Variants in STMN2 observed in about 807,000 individuals in gnomAD.
The protein encoded by STMN2 is stathmin 2.
A neutral mutation model predicts 24.1 loss-of-function variants in STMN2; 2 were observed. The observed-to-expected ratio is 0.08, with a 90% CI of 0.03 to 0.26. STMN2 has a LOEUF of 0.26. Among genes scored for constraint, STMN2 ranks in the 10% least tolerant of loss-of-function variants. STMN2 has a pLI of 1.00. For synonymous variants in STMN2, 83 were observed against 77.5 expected, an observed-to-expected ratio of 1.07 and a Z score of -0.37; for missense variants, 114 against 213.6, an observed-to-expected ratio of 0.53 and a Z score of 2.91.
At chr8:79,638,218 A>C (rs1179852475) in intron 2 of STMN2, among the ~76,000 whole-genome samples, 1 of 152,260 alleles carries the variant, frequency 6.6e-6, no homozygotes, top group African/African-American at 2.4e-5. Context: ...TTCAGGGCTT[A>C]GTAGAAGAGT....
At chr8:79,637,954 A>G (rs564494542) in intron 2 of STMN2, among the ~76,000 whole-genome samples, 2 of 152,374 alleles carry the variant, frequency 1.3e-5, no homozygotes, top group East Asian at 3.9e-4. Flanking sequence ...AATGCTAATT[A>G]ACTGTTCCAT....
At chr8:79,649,026 G>C (rs1329747868) in intron 3 of STMN2, among the ~76,000 whole-genome samples, 1 of 152,116 alleles carries the variant, frequency 6.6e-6, no homozygotes, top group Non-Finnish European at 1.5e-5. Flanking sequence ...AAGTCACTAA[G>C]CCTCTGAAAG....
rs561555154 is a variant in STMN2, at chr8:79,622,118, G to A, written c.19+10904G>A. 3.6e-4 allele frequency among the ~76,000 whole-genome samples: 54 copies of A among 152,054 alleles called. 1 individual carries two copies. The South Asian group carries it at 7.5e-3, about 21-fold the overall frequency. ...GAGAGAGCATGGATTAGAGGTGGGC[G>A]TGGGTATCCAGTGGACATGGTTTTG... On this transcript the variant is annotated intron_variant, in intron 1 of 4. Coordinates refer to ENST00000220876, the MANE Select transcript of STMN2 (RefSeq NM_007029.4).
intron 3 of STMN2, among the ~76,000 whole-genome samples, chr8:79,643,530 A>T (rs1356896038): frequency 6.6e-6 from 1 of 152,068 alleles, no homozygotes; most frequent in Non-Finnish European, 1.5e-5. Context: ...ACTGAGGTGA[A>T]ATTAAAACTC....
intron 1 of STMN2, chr8:79,611,882 G>C (rs554827687): frequency 4.2e-6 from 1 of 236,236 alleles, no homozygotes; most frequent in Non-Finnish European, 6.9e-6. Context: ...CGCGGAGGGC[G>C]TGGAGGGCGC....
intron 3 of STMN2, among the ~76,000 whole-genome samples, chr8:79,647,686 T>C (rs1810247236): frequency 6.6e-6 from 1 of 152,224 alleles, no homozygotes; most frequent in Non-Finnish European, 1.5e-5. Context: ...GATTAGATAA[T>C]AGAAGAAGCT....
At chr8:79,621,784 C>T (rs1174182460) in intron 1 of STMN2, among the ~76,000 whole-genome samples, 1 of 152,158 alleles carries the variant, frequency 6.6e-6, no homozygotes, top group Non-Finnish European at 1.5e-5. Context: ...AGAGATAAAA[C>T]TCAGTACTTA....
At chr8:79,641,146 C>G (rs1474382314) in intron 2 of STMN2, among the ~76,000 whole-genome samples, 1 of 152,118 alleles carries the variant, frequency 6.6e-6, no homozygotes, top group East Asian at 1.9e-4. Flanking sequence ...CAGATATTGT[C>G]AAATTTCTCA....
At chr8:79,634,482 A>G (rs1320410591) in intron 1 of STMN2, among the ~76,000 whole-genome samples, 1 of 152,224 alleles carries the variant, frequency 6.6e-6, no homozygotes, top group Admixed American at 6.5e-5. Context: ...CTTTTAGCAG[A>G]TCCTCAGGAT....
chr8:79,616,176 T>C (rs1161562500), intron 1 of STMN2, among the ~76,000 whole-genome samples: 3 of 152,218 alleles, frequency 2.0e-5, no homozygotes, highest in African/African-American at 7.2e-5. Flanking sequence ...TCCCATCTTC[T>C]AAGTCTGTCT....
intron 2 of STMN2, among the ~76,000 whole-genome samples, chr8:79,639,126 T>C (rs991953923): frequency 6.6e-6 from 1 of 152,202 alleles, no homozygotes; most frequent in Non-Finnish European, 1.5e-5. Flanking sequence ...ACAACCTCCA[T>C]GTGCACTAAC....
chr8:79,655,174 G>T (rs1157460179), intron 4 of STMN2, 112 bp downstream of exon 4: 2 of 1,208,122 alleles, frequency 1.7e-6, no homozygotes, highest in African/African-American at 3.1e-5. Flanking sequence ...CAGGTGTGAG[G>T]ACAACTAACT....
intron 1 of STMN2, 150 bp from the exon 2 acceptor site, chr8:79,636,652 C>A: frequency 1.5e-6 from 1 of 689,242 alleles, no homozygotes; most frequent in Non-Finnish European, 2.5e-6. Context: ...TGACATCTTG[C>A]ATTCCTTTAT....
rs1585898141 is a variant in STMN2 at position 79,643,049 on chromosome 8, T to C, written c.288+1499T>C. The stretch of plus-strand genomic sequence containing the variant: ...TGTGTATATATGTATATGTATACCA[T>C]AATTATATATTAATATTGTATATAT... On this transcript the variant is annotated intron_variant, in intron 3 of 4. Coordinates refer to ENST00000220876, the MANE Select transcript of STMN2 (RefSeq NM_007029.4). Among the ~76,000 whole-genome samples the C allele has an allele frequency of 2.0e-5, 3 of 148,128 alleles. No homozygotes were observed. The East Asian group carries it at 5.8e-4, about 29-fold the overall frequency.
At chr8:79,618,033 G>A (rs147470066) in intron 1 of STMN2, among the ~76,000 whole-genome samples, 195 of 152,334 alleles carry the variant, frequency 1.3e-3, no homozygotes, top group South Asian at 2.9e-3. Flanking sequence ...ATCTGGCTTC[G>A]GAATCCATCT....
chr8:79,651,813 C>T (rs1402757103), intron 3 of STMN2, among the ~76,000 whole-genome samples: 2 of 152,200 alleles, frequency 1.3e-5, no homozygotes, highest in African/African-American at 2.4e-5. Flanking sequence ...TCTCAAAGGG[C>T]CAGGCTCAGC....
chr8:79,615,678 T>C (rs1809367116), intron 1 of STMN2, among the ~76,000 whole-genome samples: 1 of 152,212 alleles, frequency 6.6e-6, no homozygotes, highest in Admixed American at 6.5e-5. Context: ...ATTAACTGTT[T>C]AATAAAATCT....
chr8:79,630,233 A>G (rs1489084009), intron 1 of STMN2, among the ~76,000 whole-genome samples: 1 of 152,214 alleles, frequency 6.6e-6, no homozygotes, highest in Non-Finnish European at 1.5e-5. Context: ...CAGAAAAGTC[A>G]ACTGGCCCAT....
intron 4 of STMN2, among the ~76,000 whole-genome samples, chr8:79,659,210 G>A (rs1806444875): frequency 6.6e-6 from 1 of 152,200 alleles, no homozygotes; most frequent in Non-Finnish European, 1.5e-5. Context: ...GAAGGCTGTG[G>A]GAGAAGGGAT....
Sources: allele counts gnomAD v4.1 joint callset (sites outside exome capture counted in the v4.1 genomes callset), GRCh38; gene constraint gnomAD v4.1.1; transcripts MANE v1.5; gene names NCBI Gene and HGNC (gene_info 2026-07-23, HGNC 2026-07-21).